The following RPS6KA5 variants were observed in gnomAD, a reference collection of about 807,000 sequenced individuals.
RPS6KA5 encodes the protein ribosomal protein S6 kinase A5, also known as ribosomal protein S6 kinase alpha-5.
In RPS6KA5, 27 loss-of-function variants were observed where a neutral mutation model predicts 85.5. That is an observed-to-expected ratio of 0.32 (90% CI 0.23 to 0.44). The LOEUF (loss-of-function observed/expected upper bound fraction) is 0.44, where lower values mean the gene tolerates loss of function less well. RPS6KA5 is among the 20% of genes least tolerant of loss of function. RPS6KA5 has a pLI of 1.00. For synonymous variants in RPS6KA5, 334 were observed against 348.2 expected (o/e 0.96, Z 0.46); for missense variants, 811 against 980.9 (o/e 0.83, Z 2.31).
rs1424836925 is a variant in RPS6KA5 at position 90,867,274 on chromosome 14, A to C, written c.*4800T>G. 1 of 152,160 alleles carries C rather than the reference A, an allele frequency of 6.6e-6. No individual in the cohort carries two copies. Among genetic ancestry groups the C allele is most frequent in the Non-Finnish European group, 1.5e-5 (1 of 68,014 alleles). 9.4% of individuals were successfully genotyped at this position (152,160 alleles called of 1,614,324 possible). A position where few individuals can be genotyped will look rare whatever the true frequency, so the allele number is the denominator to read the frequency against. ...TCTGTTTTCTTTTTCTTCTAATATT[A>C]AGAAAATTTAAAACGTAAATGAAAA... On this transcript the variant is annotated 3_prime_UTR_variant, in exon 17 of 17. Transcript: ENST00000614987.
intron 5 of RPS6KA5, among the ~76,000 whole-genome samples, chr14:90,937,292 G>A (rs77499263): frequency 0.033 from 4,960 of 152,128 alleles, 267 homozygotes; most frequent in African/African-American, 0.11. Flanking sequence ...GGGGCAAGGA[G>A]GTACAAGCAG....
intron 1 of RPS6KA5, among the ~76,000 whole-genome samples, chr14:91,049,492 GTAGTCCCAGCTAC>G (rs1245373928): frequency 1.3e-5 from 2 of 152,156 alleles, no homozygotes; most frequent in Non-Finnish European, 2.9e-5. Flanking sequence ...GCGGGCGCCT[GTAGTCCCAGCTAC>G]TCGGGAGGCT....
intron 7 of RPS6KA5, among the ~76,000 whole-genome samples, chr14:90,910,510 CT>C (rs1190659688): frequency 6.8e-6 from 1 of 146,938 alleles, no homozygotes; most frequent in Non-Finnish European, 1.5e-5. Flanking sequence ...TGTTTGAAAA[CT>C]TTTATAATAA....
At chr14:90,922,572 C>T (rs541511085) in intron 6 of RPS6KA5, among the ~76,000 whole-genome samples, 103 of 152,304 alleles carry the variant, frequency 6.8e-4, no homozygotes, top group African/African-American at 2.3e-3. Flanking sequence ...CTCAGCCTTC[C>T]GAGTAGCTGA....
intron 4 of RPS6KA5, among the ~76,000 whole-genome samples, chr14:90,947,038 C>G (rs1230673576): frequency 1.3e-5 from 2 of 152,210 alleles, no homozygotes; most frequent in Non-Finnish European, 2.9e-5. Flanking sequence ...CCAACCTCAT[C>G]AGGATACACC....
chr14:90,918,990 T>C (rs1413893737), intron 7 of RPS6KA5, among the ~76,000 whole-genome samples: 1 of 151,374 alleles, frequency 6.6e-6, no homozygotes, highest in African/African-American at 2.4e-5. Context: ...GAAAAAAAAA[T>C]GCCTGCTGGA....
In RPS6KA5 at chr14:90,860,626, T is replaced by C. The variant is rs886924784; in HGVS notation, c.*11448A>G. 5 of 152,030 alleles carry C rather than the reference T, an allele frequency of 3.3e-5. No homozygotes were observed. Among genetic ancestry groups the C allele is most frequent in the African/African-American group, 1.2e-4 (5 of 41,372 alleles). The allele number at this position is 152,030 out of a possible 1,614,324, so 9.4% of individuals were successfully genotyped here. On this transcript the variant is annotated 3_prime_UTR_variant, in exon 17 of 17. Coordinates refer to ENST00000614987, the MANE Select transcript of RPS6KA5 (RefSeq NM_004755.4). Reference sequence around the variant, plus strand: ...AAGGTAACATTGAATTGTATCTGAATGGAATGATTAGATGGGTATATTACA... The same window carrying C: ...AAGGTAACATTGAATTGTATCTGAACGGAATGATTAGATGGGTATATTACA...
At chr14:90,908,228 AAAG>A (rs1388494904) in intron 7 of RPS6KA5, among the ~76,000 whole-genome samples, 1 of 152,256 alleles carries the variant, frequency 6.6e-6, no homozygotes, top group Non-Finnish European at 1.5e-5. Context: ...CCAAGTCTGG[AAAG>A]AAGAACACAA....
intron 6 of RPS6KA5, among the ~76,000 whole-genome samples, chr14:90,921,158 T>C (rs2036383254): frequency 6.6e-6 from 1 of 152,170 alleles, no homozygotes; most frequent in Non-Finnish European, 1.5e-5. Context: ...TTCAAACTAT[T>C]TGCTTCCAAT....
intron 1 of RPS6KA5, among the ~76,000 whole-genome samples, chr14:91,041,387 C>A (rs537910458): frequency 1.2e-4 from 18 of 152,222 alleles, no homozygotes; most frequent in African/African-American, 4.1e-4. Context: ...CAATTGTATG[C>A]AGAGAGAAAA....
At chr14:90,980,064 T>C (rs1406412872) in intron 2 of RPS6KA5, among the ~76,000 whole-genome samples, 1 of 152,214 alleles carries the variant, frequency 6.6e-6, no homozygotes, top group Non-Finnish European at 1.5e-5. Flanking sequence ...GGAAATCCAA[T>C]AATTATAGGT....
chr14:90,958,455 T>C (rs1459674690), intron 3 of RPS6KA5, among the ~76,000 whole-genome samples: 1 of 152,194 alleles, frequency 6.6e-6, no homozygotes, highest in Non-Finnish European at 1.5e-5. Context: ...ATTTTGCATA[T>C]CCTTAGAAAG....
intron 14 of RPS6KA5, among the ~76,000 whole-genome samples, chr14:90,889,869 CCTT>C (rs1316860440): frequency 1.3e-5 from 2 of 152,084 alleles, no homozygotes; most frequent in African/African-American, 4.8e-5. Context: ...TCACCTTGCT[CCTT>C]CTTTCTGTAC....
chr14:90,875,819 A>G (rs1240448495), intron 14 of RPS6KA5, among the ~76,000 whole-genome samples: 2 of 147,376 alleles, frequency 1.4e-5, no homozygotes, highest in Admixed American at 6.9e-5. Flanking sequence ...ACCAAACACC[A>G]CATGTTCTCA....
At chr14:90,944,679 C>T (rs148739938) in intron 4 of RPS6KA5, among the ~76,000 whole-genome samples, 3,166 of 151,634 alleles carry the variant, frequency 0.021, 43 homozygotes, top group Middle Eastern at 0.042. Flanking sequence ...CACTTGAACC[C>T]GGGAGGTGGA....
intron 3 of RPS6KA5, among the ~76,000 whole-genome samples, chr14:90,950,727 T>G (rs1246064326): frequency 1.3e-5 from 2 of 152,226 alleles, no homozygotes; most frequent in African/African-American, 4.8e-5. Flanking sequence ...TGCACTACTG[T>G]GATAGATTCC....
intron 1 of RPS6KA5, among the ~76,000 whole-genome samples, chr14:91,023,574 C>T (rs896557249): frequency 6.6e-6 from 1 of 152,266 alleles, no homozygotes; most frequent in African/African-American, 2.4e-5. Flanking sequence ...CATGAGCCAC[C>T]GTGCCCAACC....
chr14:90,953,427 T>C (rs1026186359), intron 3 of RPS6KA5, among the ~76,000 whole-genome samples: 12 of 152,196 alleles, frequency 7.9e-5, no homozygotes, highest in African/African-American at 2.9e-4. Context: ...TACAAATTGA[T>C]TGTAAAACGT....
intron 3 of RPS6KA5, among the ~76,000 whole-genome samples, chr14:90,968,342 T>C (rs1274014904): frequency 6.6e-6 from 1 of 152,162 alleles, no homozygotes; most frequent in Non-Finnish European, 1.5e-5. Flanking sequence ...TGTGGTTACA[T>C]TGGCCCCACA....
Sources: gnomAD v4.1 joint callset for allele counts (sites outside exome capture counted in the v4.1 genomes callset) on GRCh38, gnomAD v4.1.1 for gene constraint, MANE v1.5 for transcripts, NCBI Gene and HGNC (gene_info 2026-07-23, HGNC 2026-07-21) for gene names.